The following LIN9 variants were observed in gnomAD, a reference collection of about 807,000 sequenced individuals.
LIN9 encodes the protein protein lin-9 homolog.
LIN9 carries 18 observed loss-of-function variants against 78.0 expected under a neutral mutation model. That is an observed-to-expected ratio of 0.23 (90% CI 0.16 to 0.34). The LOEUF (loss-of-function observed/expected upper bound fraction) is 0.34, where lower values mean the gene tolerates loss of function less well. LIN9 is among the 10% of genes least tolerant of loss of function. The pLI is 1.00. For missense variants in LIN9, 451 were observed against 644.1 expected, an observed-to-expected ratio of 0.70 and a Z score of 3.25; for synonymous variants, 192 against 215.2, an observed-to-expected ratio of 0.89 and a Z score of 0.94.
chr1:226,307,063 T>A (rs1219162578), intron 1 of LIN9, among the ~76,000 whole-genome samples: 2 of 152,166 alleles, frequency 1.3e-5, no homozygotes, highest in Non-Finnish European at 2.9e-5. Context: ...AACCCTAATA[T>A]AAATCCCAAG....
intron 7 of LIN9, among the ~76,000 whole-genome samples, chr1:226,273,834 C>CTTTTTTTTTTTTTTTTTTTT (rs572172734): frequency 7.3e-6 from 1 of 137,136 alleles, no homozygotes; most frequent in Non-Finnish European, 1.6e-5. Context: ...CTCAACATTA[C>CTTTTTTTTTTTTTTTTTTTT]TTTTTTTTTT....
chr1:226,251,042 A>G (rs1658801532), intron 10 of LIN9, 123 bp from the exon 11 acceptor site: 3 of 549,500 alleles, frequency 5.5e-6, no homozygotes, highest in Non-Finnish European at 9.6e-6. Context: ...CAACATATAT[A>G]TATAGCATAG....
intron 11 of LIN9, among the ~76,000 whole-genome samples, chr1:226,242,889 T>C (rs1010123918): frequency 8.9e-6 from 1 of 112,838 alleles, no homozygotes; most frequent in Non-Finnish European, 1.8e-5. Flanking sequence ...GAATATGTTT[T>C]CTTTACCTTA....
intron 6 of LIN9, among the ~76,000 whole-genome samples, chr1:226,279,608 C>CAA (rs56886138): frequency 0.072 from 4,684 of 64,808 alleles, 280 homozygotes; most frequent in African/African-American, 0.2. Flanking sequence ...GCCAAAAATA[C>CAA]AAAAAAAAAA....
At chr1:226,271,558 A>T (rs759083243) in intron 7 of LIN9, among the ~76,000 whole-genome samples, 1 of 152,190 alleles carries the variant, frequency 6.6e-6, no homozygotes, top group Non-Finnish European at 1.5e-5. Flanking sequence ...TGTATTCTGC[A>T]GTTGAGTGTA....
intron 11 of LIN9, among the ~76,000 whole-genome samples, chr1:226,246,671 T>C (rs543542455): frequency 2.0e-5 from 3 of 150,996 alleles, no homozygotes; most frequent in African/African-American, 7.3e-5. Context: ...CAGGCGCCTG[T>C]AGTCCCAGCT....
At chr1:226,295,002 T>G (rs911095684) in intron 4 of LIN9, among the ~76,000 whole-genome samples, 1 of 152,004 alleles carries the variant, frequency 6.6e-6, no homozygotes, top group Non-Finnish European at 1.5e-5. Flanking sequence ...GGTTTCGCCA[T>G]GTTGGCCAGG....
At chr1:226,276,285 G>A (rs774252525) in intron 7 of LIN9, among the ~76,000 whole-genome samples, 4 of 152,166 alleles carry the variant, frequency 2.6e-5, no homozygotes, top group Admixed American at 6.6e-5. Context: ...CAGTATGTCA[G>A]CATTAGTACT....
chr1:226,260,373 C>G (rs1452086075), intron 10 of LIN9, among the ~76,000 whole-genome samples: 1 of 152,078 alleles, frequency 6.6e-6, no homozygotes, highest in Non-Finnish European at 1.5e-5. Flanking sequence ...GACAAAGACA[C>G]AGTGAAAGAA....
At chr1:226,287,850 C>T in intron 4 of LIN9, 53 bp from the exon 5 acceptor site, 2 of 1,300,184 alleles carry the variant, frequency 1.5e-6, no homozygotes, top group South Asian at 1.4e-5. Flanking sequence ...TAAAAATGAA[C>T]ATTTATAACC....
chr1:226,274,309 G>T (rs1445204694), intron 7 of LIN9, among the ~76,000 whole-genome samples: 5 of 152,168 alleles, frequency 3.3e-5, no homozygotes, highest in African/African-American at 1.2e-4. Flanking sequence ...TCAGTCTGAA[G>T]AACTTTTTTG....
chr1:226,254,150 C>T (rs967842181), intron 10 of LIN9, among the ~76,000 whole-genome samples: 5 of 152,042 alleles, frequency 3.3e-5, no homozygotes, highest in Non-Finnish European at 7.4e-5. Flanking sequence ...CCAGGCTTGT[C>T]TTCAACTCCT....
chr1:226,234,850 C>T (rs1657580087), intron 12 of LIN9, among the ~76,000 whole-genome samples: 1 of 151,766 alleles, frequency 6.6e-6, no homozygotes, highest in East Asian at 1.9e-4. Context: ...CTCTTCATAA[C>T]TGCCTTCTTC....
chr1:226,273,256 A>T (rs796122780), intron 7 of LIN9, among the ~76,000 whole-genome samples: 297 of 87,036 alleles, frequency 3.4e-3, no homozygotes, highest in African/African-American at 5.3e-3. Context: ...TAATTAGGTA[A>T]TTTTTTTTTT....
intron 10 of LIN9, among the ~76,000 whole-genome samples, chr1:226,259,896 A>C (rs1659454957): frequency 6.6e-6 from 1 of 151,908 alleles, no homozygotes; most frequent in Non-Finnish European, 1.5e-5. Flanking sequence ...AATACAAAGT[A>C]ATCAGAATAA....
chr1:226,296,311 G>A (rs1662143127), intron 3 of LIN9, among the ~76,000 whole-genome samples: 1 of 152,186 alleles, frequency 6.6e-6, no homozygotes, highest in East Asian at 1.9e-4. Context: ...TGTGTGACAT[G>A]ATATGTCTGC....
At chr1:226,269,258 A>T (rs1042154179) in intron 7 of LIN9, among the ~76,000 whole-genome samples, 4 of 152,356 alleles carry the variant, frequency 2.6e-5, no homozygotes, top group East Asian at 3.9e-4. Context: ...AATCTCTCTC[A>T]GTTTCTGACA....
chr1:226,277,312 A>G lies in LIN9; in HGVS notation c.682+463T>C, dbSNP rs1163316710. On this transcript the variant is annotated intron_variant, in intron 7 of 14. Transcript: ENST00000681046. ...TCTTTGTAGCAGTTGGCTTTAGTTT[A>G]TATTGTAGTAGATGTTACTTTGAAC... Among the ~76,000 whole-genome samples, 4 of 152,152 alleles carry G rather than the reference A, an allele frequency of 2.6e-5. No homozygotes were observed. The East Asian group carries it at 7.7e-4, about 29-fold the overall frequency.
intron 10 of LIN9, among the ~76,000 whole-genome samples, chr1:226,263,850 A>C (rs370974252): frequency 6.6e-6 from 1 of 152,074 alleles, no homozygotes; most frequent in African/African-American, 2.4e-5. Flanking sequence ...GGTGGGAGGA[A>C]CATTTGAGCC....
Sources: allele counts gnomAD v4.1 joint callset (sites outside exome capture counted in the v4.1 genomes callset), GRCh38; gene constraint gnomAD v4.1.1; transcripts MANE v1.5; gene names NCBI Gene and HGNC (gene_info 2026-07-23, HGNC 2026-07-21).